UBXN11: variants seen among roughly 807,000 people sequenced by gnomAD.
UBXN11 encodes UBX domain-containing protein 11.
Under a neutral mutation model 62.8 loss-of-function variants are expected in UBXN11, and 47 were observed. The ratio of observed to expected loss-of-function variants is 0.75; its 90% CI spans 0.59 to 0.95. The LOEUF (loss-of-function observed/expected upper bound fraction) is 0.95, where lower values mean the gene tolerates loss of function less well. Among genes scored for constraint, UBXN11 ranks in the 40% least tolerant of loss-of-function variants. The pLI is 0.00. For missense variants in UBXN11, 638 were observed against 661.7 expected (o/e 0.96, Z 0.39); for synonymous variants, 294 against 267.0 (o/e 1.10, Z -0.99).
At chr1:26,302,739 T>C (rs2124670284) in intron 2 of UBXN11, 74 bp downstream of exon 2, 13 of 1,507,080 alleles carry the variant, frequency 8.6e-6, no homozygotes, top group Non-Finnish European at 1.2e-5. Context: ...TAGGAGTCAC[T>C]GTCCTCTGGC....
Position 26,282,289 on chromosome 1 carries a change from G to A in UBXN11, c.*10C>T. The A allele has an allele frequency of 6.7e-7, 1 of 1,486,800 alleles. No individual in the cohort carries two copies. The highest frequency in any genetic ancestry group is 8.9e-7 in the Non-Finnish European group (1 of 1,122,098). 92.1% of individuals were successfully genotyped at this position (1,486,800 alleles called of 1,614,324 possible). ...GCCTGGCGGAGCAGCGGGTTGAGGG[G>A]GCGGGTGCTTTATTGGGGGCTGGGA... On this transcript the variant is annotated 3_prime_UTR_variant, in exon 15 of 15. Transcript: ENST00000374222.
At chr1:26,306,842 T>TGGGGGGGGG (rs1201356841), upstream of UBXN11, 7 of 29,798 alleles carry the variant, frequency 2.3e-4, no homozygotes, top group South Asian at 1.3e-3. Context: ...GGGGGGGGGG[T>TGGGGGGGGG]GGTTCGTTCC....
chr1:26,300,976 A>G lies in UBXN11; in HGVS notation c.149T>C (p.Ile50Thr), dbSNP rs1177035451. The G allele has an allele frequency of 6.2e-7, 1 of 1,614,016 alleles. No individual in the cohort carries two copies. Among genetic ancestry groups the G allele is most frequent in the African/African-American group, 1.3e-5 (1 of 74,902 alleles). ...LSDGCGSEEK[I>T]SVPSCYGGIG... Reference sequence around the variant, plus strand: ...GCCGCCATAGCAGGAAGGGACTGAGATCTTTTCTTCTGAGCCACACCCATC... The same window carrying G: ...GCCGCCATAGCAGGAAGGGACTGAGGTCTTTTCTTCTGAGCCACACCCATC... Residue 50 changes from isoleucine (I) to threonine (T), a missense_variant, in exon 4 of 15, where the codon ATC becomes ACC. Transcript: ENST00000374222.
At chr1:26,317,482 CAT>C (rs1345358771) in intron 1 of UBXN11, among the ~76,000 whole-genome samples, 2 of 152,202 alleles carry the variant, frequency 1.3e-5, no homozygotes, top group African/African-American at 4.8e-5. Flanking sequence ...TCCCTTGAAA[CAT>C]AAATCTATCC....
At position 26,285,804 on chromosome 1, in the gene UBXN11, C is replaced by A. The variant is rs368079656; in HGVS notation, c.774+19G>T. 6.3e-7 allele frequency: 1 copy of A among 1,578,906 alleles called. No individual in the cohort carries two copies. The highest frequency in any genetic ancestry group is 8.7e-7 in the Non-Finnish European group (1 of 1,154,480). On this transcript the variant is annotated intron_variant, in intron 9 of 14. Transcript: ENST00000374222. ...CAGCAGGGGCACTAGAGCACCACCC[C>A]CCCCAACACCGCTCCTACCTGTGTG...
chr1:26,318,139 A>G, exon 1 of UBXN11: 3 of 1,319,548 alleles, frequency 2.3e-6, no homozygotes, highest in Non-Finnish European at 3.3e-6. Context: ...GAGGGCATAC[A>G]GGATGTGAGC....
intron 4 of UBXN11, among the ~76,000 whole-genome samples, chr1:26,299,165 C>T (rs1331913152): frequency 1.3e-5 from 2 of 152,142 alleles, no homozygotes; most frequent in African/African-American, 4.8e-5. Context: ...CAGGTGAGCT[C>T]ACTGGGGCAC....
intron 1 of UBXN11, among the ~76,000 whole-genome samples, chr1:26,317,379 C>T (rs1486016263): frequency 1.3e-5 from 2 of 152,152 alleles, no homozygotes; most frequent in Non-Finnish European, 2.9e-5. Context: ...CCCGATTCCT[C>T]ACCTCCAGCA....
intron 8 of UBXN11, among the ~76,000 whole-genome samples, chr1:26,289,850 G>A (rs2073218018): frequency 6.6e-6 from 1 of 152,204 alleles, no homozygotes; most frequent in East Asian, 1.9e-4. Flanking sequence ...TTGACCCTCA[G>A]GCAAAGACGG....
At position 26,302,851 on chromosome 1, in the gene UBXN11, G is replaced by A. The variant is rs117509001; in HGVS notation, c.33C>T (p.Thr11=). The change falls in exon 2 of 15, where the codon ACC becomes ACT. Residue 11 remains threonine, a synonymous_variant. Transcript: ENST00000374222. ...GCTCCGAGGGCAGGGGCACTTTTCG[G>A]GTCTTGCTAAGGGAGGCCAAAGGTG... is the stretch of plus-strand genomic sequence containing the variant. MSSPLASLSK[T]RKVPLPSEPM... The A allele has an allele frequency of 8.2e-3, 13,211 of 1,613,880 alleles. 133 individuals carry two copies. The highest frequency in any genetic ancestry group is 0.06 in the East Asian group (2,684 of 44,876).
intron 1 of UBXN11, among the ~76,000 whole-genome samples, chr1:26,305,946 C>G (rs919324390): frequency 2.6e-5 from 4 of 152,238 alleles, no homozygotes; most frequent in Admixed American, 2.0e-4. Context: ...ACTGACTTCC[C>G]TACTTCCAGT....
chr1:26,297,444 G>C lies in UBXN11; in HGVS notation c.338C>G (p.Thr113Ser). Residue 113 changes from threonine (T) to serine (S), a missense_variant, in exon 6 of 15, where the codon ACC becomes AGC. Physicochemically the swap from Thr to Ser is moderately conservative, Grantham distance 58. Coordinates refer to ENST00000374222, the MANE Select transcript of UBXN11 (RefSeq NM_001389556.1). Reference protein sequence around the residue: ...KIAALEDLVQTLRPHPAEATL... With the variant: ...KIAALEDLVQSLRPHPAEATL... ...CCCCCTACCTGGGTGTGGCCGGAGG[G>C]TCTGCACCAGGTCCTCTAGGGCCGC... The C allele has an allele frequency of 6.4e-7, 1 of 1,554,854 alleles. No individual in the cohort carries two copies. Among genetic ancestry groups the C allele is most frequent in the Non-Finnish European group, 8.7e-7 (1 of 1,148,928 alleles).
chr1:26,303,999 C>T (rs866571781), intron 1 of UBXN11, among the ~76,000 whole-genome samples: 4 of 152,114 alleles, frequency 2.6e-5, no homozygotes, highest in Admixed American at 6.5e-5. Flanking sequence ...TCAGGTGATC[C>T]GCCCCCCTCG....
intron 8 of UBXN11, among the ~76,000 whole-genome samples, chr1:26,289,673 G>T (rs1333663836): frequency 1.3e-5 from 2 of 152,210 alleles, no homozygotes; most frequent in African/African-American, 4.8e-5. Flanking sequence ...AAGAAGACGG[G>T]GCGGCAAATG....
intron 4 of UBXN11, among the ~76,000 whole-genome samples, chr1:26,299,517 A>AC (rs2073476653): frequency 6.6e-6 from 1 of 150,726 alleles, no homozygotes; most frequent in Non-Finnish European, 1.5e-5. Flanking sequence ...TCTCCAAAAA[A>AC]AAAAAAAACA....
chr1:26,285,361 G>A (rs1193399548), intron 10 of UBXN11, 103 bp downstream of exon 10: 1 of 1,546,138 alleles, frequency 6.5e-7, no homozygotes, highest in East Asian at 2.4e-5. Context: ...GTCCCCCAGG[G>A]AGTGCAGCGG....
Position 26,285,446 on chromosome 1 carries a change from TGAG to T in UBXN11, c.852+15_852+17del, listed in dbSNP as rs982442475. 1.2e-6 allele frequency: 2 copies of T among 1,609,524 alleles called. No homozygotes were observed. The highest frequency in any genetic ancestry group is 1.7e-6 in the Non-Finnish European group (2 of 1,178,314). On this transcript the variant is annotated intron_variant, in intron 10 of 14. Transcript: ENST00000374222. Reference sequence around the variant, plus strand: ...CTTCAAAATCCCCAAAGGTGTGGTTTGAGGAGCAGCTTATCACCTTAAAGGGGA... The same window carrying T: ...CTTCAAAATCCCCAAAGGTGTGGTTTGAGCAGCTTATCACCTTAAAGGGGA...
At chr1:26,286,135 T>C in intron 8 of UBXN11, 98 bp from the exon 9 acceptor site, 1 of 1,126,266 alleles carries the variant, frequency 8.9e-7, no homozygotes, top group South Asian at 1.6e-5. Flanking sequence ...GCAGTGGTCT[T>C]AATGTCTCCT....
At chr1:26,307,426 A>C (rs181329848), upstream of UBXN11, among the ~76,000 whole-genome samples, 2 of 152,276 alleles carry the variant, frequency 1.3e-5, no homozygotes, top group Admixed American at 1.3e-4. Flanking sequence ...ACGATTTTAA[A>C]GGGGAAAGCC....
Sources: allele counts gnomAD v4.1 joint callset (sites outside exome capture counted in the v4.1 genomes callset), GRCh38; gene constraint gnomAD v4.1.1; transcripts MANE v1.5; gene names NCBI Gene and HGNC (gene_info 2026-07-23, HGNC 2026-07-21).